The following CLVS1 variants were observed in gnomAD, a reference collection of about 807,000 sequenced individuals.
CLVS1 encodes the protein clavesin-1.
CLVS1 carries 10 observed loss-of-function variants against 33.1 expected under a neutral mutation model. That is an observed-to-expected ratio of 0.30 (90% CI 0.19 to 0.51). The LOEUF (loss-of-function observed/expected upper bound fraction) is 0.51. Ranked by LOEUF, CLVS1 falls within the 20% of genes least tolerant of loss-of-function variation. The probability of loss-of-function intolerance (pLI) is 0.97; values close to 1 mark genes in which losing one functional copy is unlikely to be tolerated. For synonymous variants in CLVS1, 163 were observed against 166.1 expected (o/e 0.98, Z 0.14); for missense variants, 343 against 433.4 (o/e 0.79, Z 1.85).
At chr8:61,202,004 C>A (rs1019292345) in intron 2 of CLVS1, among the ~76,000 whole-genome samples, 2 of 152,062 alleles carry the variant, frequency 1.3e-5, no homozygotes, top group Non-Finnish European at 2.9e-5. Context: ...GTATTTGACC[C>A]GATTGGCTAG....
chr8:61,372,459 A>G (rs1026842554), intron 2 of CLVS1, among the ~76,000 whole-genome samples: 2 of 152,238 alleles, frequency 1.3e-5, no homozygotes, highest in African/African-American at 4.8e-5. Context: ...CTGTGAAGAC[A>G]GTACAGAGAC....
At chr8:61,495,641 T>C (rs1804242256) in intron 5 of CLVS1, among the ~76,000 whole-genome samples, 1 of 152,138 alleles carries the variant, frequency 6.6e-6, no homozygotes, top group Non-Finnish European at 1.5e-5. Context: ...ACCTTTGAGA[T>C]GGGAGAGAAA....
At chr8:61,050,853 T>C in the CLVS1 span, among the ~76,000 whole-genome samples, 1 of 152,218 alleles carries the variant, frequency 6.6e-6, no homozygotes, top group African/African-American at 2.4e-5. Context: ...TGGGCAGCTA[T>C]TTCTGTCAAC....
At chr8:61,040,290 T>TTCACTCATGATTTG in the CLVS1 span, among the ~76,000 whole-genome samples, 1 of 152,248 alleles carries the variant, frequency 6.6e-6, no homozygotes, top group South Asian at 2.1e-4. Context: ...TTGTGAATAG[T>TTCACTCATGATTTG]GCTGTGATGA....
At chr8:61,334,405 T>C (rs1210973821) in intron 2 of CLVS1, among the ~76,000 whole-genome samples, 2 of 152,232 alleles carry the variant, frequency 1.3e-5, no homozygotes, top group Admixed American at 1.3e-4. Flanking sequence ...GGTCTTGTCC[T>C]AGACAAGCAA....
At chr8:61,448,977 T>A (rs1394074583) in intron 3 of CLVS1, among the ~76,000 whole-genome samples, 2 of 152,208 alleles carry the variant, frequency 1.3e-5, no homozygotes, top group Non-Finnish European at 2.9e-5. Flanking sequence ...TTTTAAAATC[T>A]GGACATTTCT....
At chr8:61,153,033 TG>T (rs1156877009) in intron 2 of CLVS1, among the ~76,000 whole-genome samples, 5 of 152,066 alleles carry the variant, frequency 3.3e-5, no homozygotes, top group African/African-American at 1.2e-4. Flanking sequence ...CTGGGCATGG[TG>T]GCACAAACCT....
chr8:61,386,529 T>C (rs1052590026), intron 3 of CLVS1, among the ~76,000 whole-genome samples: 2 of 152,186 alleles, frequency 1.3e-5, no homozygotes, highest in Non-Finnish European at 2.9e-5. Flanking sequence ...TGATTCATGA[T>C]TTTCCTTCAG....
At chr8:61,106,086 G>A (rs914269690) in intron 1 of CLVS1, among the ~76,000 whole-genome samples, 2 of 152,180 alleles carry the variant, frequency 1.3e-5, no homozygotes, top group African/African-American at 4.8e-5. Context: ...ACTAGACTGT[G>A]AGCAGATTCC....
the CLVS1 span, among the ~76,000 whole-genome samples, chr8:60,972,878 A>G: frequency 2.0e-5 from 3 of 152,214 alleles, no homozygotes; most frequent in African/African-American, 7.2e-5. Flanking sequence ...CTCTATGTGT[A>G]TTAAACTCTC....
intron 3 of CLVS1, among the ~76,000 whole-genome samples, chr8:61,411,757 C>T (rs918771453): frequency 6.6e-6 from 1 of 152,178 alleles, no homozygotes; most frequent in Non-Finnish European, 1.5e-5. Context: ...GGTCACCTTC[C>T]TTCTCTTCTC....
At chr8:61,222,908 C>T (rs1372673773) in intron 2 of CLVS1, among the ~76,000 whole-genome samples, 1 of 146,594 alleles carries the variant, frequency 6.8e-6, no homozygotes, top group Non-Finnish European at 1.5e-5. Flanking sequence ...ATTCCTTTAC[C>T]ATTATGTAAT....
At chr8:61,109,280 GT>G (rs1295599262) in intron 1 of CLVS1, among the ~76,000 whole-genome samples, 1 of 151,970 alleles carries the variant, frequency 6.6e-6, no homozygotes, top group Non-Finnish European at 1.5e-5. Flanking sequence ...TCTAAATGAA[GT>G]AATTTCCATC....
chr8:61,254,682 A>C (rs933153191), intron 2 of CLVS1, among the ~76,000 whole-genome samples: 1 of 152,130 alleles, frequency 6.6e-6, no homozygotes, highest in Admixed American at 6.5e-5. Context: ...CTGTGCTAGT[A>C]ATGAGTGAGG....
upstream of CLVS1, among the ~76,000 whole-genome samples, chr8:61,287,270 AT>A (rs199761287): frequency 0.016 from 2,505 of 152,310 alleles, 75 homozygotes; most frequent in African/African-American, 0.058. Context: ...TATTAAAAAA[AT>A]GTGTTTATTA....
intron 2 of CLVS1, among the ~76,000 whole-genome samples, chr8:61,160,386 A>G (rs975823108): frequency 5.9e-5 from 9 of 152,330 alleles, no homozygotes; most frequent in African/African-American, 2.2e-4. Flanking sequence ...TTTAGTAAAC[A>G]AAACAAAACA....
At chr8:61,193,907 G>GT (rs1485998453) in intron 2 of CLVS1, among the ~76,000 whole-genome samples, 1 of 151,956 alleles carries the variant, frequency 6.6e-6, no homozygotes. Context: ...GATAAAACAC[G>GT]TATCAGTAGC....
At chr8:61,384,557 T>G (rs1454074426) in intron 3 of CLVS1, among the ~76,000 whole-genome samples, 3 of 151,874 alleles carry the variant, frequency 2.0e-5, no homozygotes, top group Non-Finnish European at 4.4e-5. Context: ...GAAGCTAAGG[T>G]GAAGGGTGAA....
At chr8:61,121,459 G>A (rs144227836) in intron 1 of CLVS1, among the ~76,000 whole-genome samples, 2 of 152,174 alleles carry the variant, frequency 1.3e-5, no homozygotes, top group Non-Finnish European at 2.9e-5. Flanking sequence ...TTGTGTGTGT[G>A]TGTATGTGAA....
Sources: gnomAD v4.1 joint callset for allele counts (sites outside exome capture counted in the v4.1 genomes callset) on GRCh38, gnomAD v4.1.1 for gene constraint, MANE v1.5 for transcripts, NCBI Gene and HGNC (gene_info 2026-07-23, HGNC 2026-07-21) for gene names.